The following SEL1L2 variants were observed in gnomAD, a reference collection of about 807,000 sequenced individuals.
SEL1L2 encodes the protein SEL1L2 adaptor subunit of SYVN1 ubiquitin ligase, also known as protein sel-1 homolog 2.
SEL1L2 carries 89 observed loss-of-function variants against 98.8 expected under a neutral mutation model. That is an observed-to-expected ratio of 0.90 (90% confidence interval 0.76 to 1.07). SEL1L2 has a LOEUF of 1.07. Among genes scored for constraint, SEL1L2 ranks in the 50% least tolerant of loss-of-function variants. The probability of loss-of-function intolerance (pLI) is 0.00; values close to 1 mark genes in which losing one functional copy is unlikely to be tolerated. For missense variants in SEL1L2, 788 were observed against 812.0 expected, an observed-to-expected ratio of 0.97 and a Z score of 0.36; for synonymous variants, 262 against 278.5, an observed-to-expected ratio of 0.94 and a Z score of 0.59.
At chr20:13,983,186 CA>C (rs2051950210) in intron 1 of SEL1L2, among the ~76,000 whole-genome samples, 1 of 151,968 alleles carries the variant, frequency 6.6e-6, no homozygotes, top group Admixed American at 6.6e-5. Flanking sequence ...ATCACTATTT[CA>C]CTCTGAGGAT....
intron 3 of SEL1L2, among the ~76,000 whole-genome samples, chr20:13,925,082 T>C (rs1447474495): frequency 6.6e-6 from 1 of 152,076 alleles, no homozygotes; most frequent in Non-Finnish European, 1.5e-5. Flanking sequence ...GAGGATGCAG[T>C]GAGCAGAGAT....
At chr20:13,860,737 T>C (rs1989985558) in intron 17 of SEL1L2, among the ~76,000 whole-genome samples, 2 of 152,168 alleles carry the variant, frequency 1.3e-5, no homozygotes, top group Non-Finnish European at 2.9e-5. Flanking sequence ...CTGGGTGACC[T>C]TGTTTCGTTC....
intron 5 of SEL1L2, among the ~76,000 whole-genome samples, chr20:13,897,853 G>A (rs1192719889): frequency 4.0e-5 from 6 of 150,842 alleles, no homozygotes; most frequent in African/African-American, 9.8e-5. Flanking sequence ...CAACAAGAGC[G>A]AAAACTCCCT....
At chr20:13,991,733 T>G (rs2052540015), upstream of SEL1L2, among the ~76,000 whole-genome samples, 1 of 152,192 alleles carries the variant, frequency 6.6e-6, no homozygotes, top group Non-Finnish European at 1.5e-5. Context: ...CAGCTCACAC[T>G]TGTAATCCCA....
rs1207594766 is a variant in SEL1L2 at position 13,857,202 on chromosome 20, AT to A, written c.1818+2059del. Reference sequence around the variant, plus strand: ...AGTGGGAGGTTAAGAGTAGTCCCTGATTTTTTTTTTTTTTTAATGTAGAGAC... The same window carrying A: ...AGTGGGAGGTTAAGAGTAGTCCCTGATTTTTTTTTTTTTTAATGTAGAGAC... On this transcript the variant is annotated intron_variant, in intron 18 of 19. Coordinates refer to ENST00000284951, the MANE Select transcript of SEL1L2 (RefSeq NM_025229.2). Among the ~76,000 whole-genome samples, 962 of 141,192 alleles carry A rather than the reference AT, an allele frequency of 6.8e-3. 1 individual carries two copies. The highest frequency in any genetic ancestry group is 0.014 in the East Asian group (67 of 4,850). The allele number at this position is 141,192 out of a possible 152,430, so 92.6% of individuals were successfully genotyped here.
chr20:13,940,056 T>C (rs919596820), intron 2 of SEL1L2, among the ~76,000 whole-genome samples: 1 of 152,224 alleles, frequency 6.6e-6, no homozygotes, highest in East Asian at 1.9e-4. Flanking sequence ...ATTGAAGATA[T>C]AGTGACACAT....
At chr20:13,968,024 T>A (rs1233035623) in intron 1 of SEL1L2, among the ~76,000 whole-genome samples, 1 of 152,210 alleles carries the variant, frequency 6.6e-6, no homozygotes, top group East Asian at 1.9e-4. Flanking sequence ...GTTATATAAA[T>A]TAAAATATAG....
rs555712717 is a variant in SEL1L2, at chr20:13,852,794, G to T, written c.1819-2475C>A. ...GAATTCTTCTGCAGTAAAATAGCTG[G>T]TTTATGAAAATTGTACAATTGCCCG... is the stretch of plus-strand genomic sequence containing the variant. On this transcript the variant is annotated intron_variant, in intron 18 of 19. Transcript: ENST00000284951. 6.6e-5 allele frequency among the ~76,000 whole-genome samples: 10 copies of T among 152,270 alleles called. No homozygotes were observed. In the South Asian group the frequency reaches 2.1e-3, roughly 32 times the overall value.
chr20:13,992,599 G>A (rs6079248), upstream of SEL1L2, among the ~76,000 whole-genome samples: 6,598 of 152,224 alleles, frequency 0.043, 213 homozygotes, highest in Non-Finnish European at 0.063. Flanking sequence ...ATGGAGCATA[G>A]TATAAAATAA....
chr20:13,964,224 A>G (rs896294514), intron 1 of SEL1L2, among the ~76,000 whole-genome samples: 3 of 152,014 alleles, frequency 2.0e-5, no homozygotes, highest in Non-Finnish European at 4.4e-5. Context: ...GTCAAAGAAA[A>G]TATGTTCTAT....
In SEL1L2 at chr20:13,885,331, C is replaced by A. The variant is rs200588365; in HGVS notation, c.957+16G>T. On this transcript the variant is annotated intron_variant, in intron 10 of 19. Transcript: ENST00000284951. ...CCTTCCCCACCCCATTTGACTGGATCTTGAGATTGACTTACGTAGTAATCC... is the reference window on the plus strand; with the variant it reads ...CCTTCCCCACCCCATTTGACTGGATATTGAGATTGACTTACGTAGTAATCC... 1 of 1,556,102 alleles carries A rather than the reference C, an allele frequency of 6.4e-7. No individual in the cohort carries two copies. The highest frequency in any genetic ancestry group is 1.1e-5 in the South Asian group (1 of 89,700).
intron 4 of SEL1L2, 66 bp from the exon 5 acceptor site, chr20:13,914,010 C>G: frequency 7.5e-7 from 1 of 1,339,492 alleles, no homozygotes; most frequent in Non-Finnish European, 1.0e-6. Flanking sequence ...TTCTTCAACA[C>G]TATTCATACT....
At chr20:13,930,471 GAAAT>G (rs906846508) in intron 3 of SEL1L2, among the ~76,000 whole-genome samples, 2 of 152,274 alleles carry the variant, frequency 1.3e-5, no homozygotes, top group East Asian at 1.9e-4. Context: ...TACGCCTTTA[GAAAT>G]AAATAGTCTC....
Position 13,886,316 on chromosome 20 carries a change from A to C in SEL1L2, c.872T>G (p.Leu291Trp), listed in dbSNP as rs770484287. 6.2e-6 allele frequency: 10 copies of C among 1,610,588 alleles called. No individual in the cohort carries two copies. Among genetic ancestry groups the C allele is most frequent in the Non-Finnish European group, 8.5e-6 (10 of 1,178,292 alleles). Residue 291 changes from leucine (L) to tryptophan (W), a missense_variant, in exon 9 of 20, where the codon TTG becomes TGG. Transcript: ENST00000284951. ...DWDIYQYYKF[L>W]AERGDVQIQV... ...TATCTGAACATCTCCTCTTTCTGCC[A>C]AAAATTTATAGTATTGGTATATGTC...
intron 3 of SEL1L2, among the ~76,000 whole-genome samples, chr20:13,924,814 A>G (rs6074663): frequency 0.33 from 50,517 of 151,836 alleles, 8,791 homozygotes; most frequent in East Asian, 0.48. Flanking sequence ...TTTATTCTGT[A>G]GACTTTTGCA....
intron 10 of SEL1L2, among the ~76,000 whole-genome samples, chr20:13,879,280 G>C (rs1485065827): frequency 6.6e-6 from 1 of 152,118 alleles, no homozygotes; most frequent in East Asian, 1.9e-4. Context: ...CAAAAGCTAA[G>C]ACTTGCAAAA....
rs545347527 is a variant in SEL1L2 at position 13,900,049 on chromosome 20, T to A, written c.550-11537A>T. Among the ~76,000 whole-genome samples the A allele has an allele frequency of 9.2e-5, 14 of 152,278 alleles. 1 individual carries two copies. The South Asian group carries it at 2.9e-3, about 32-fold the overall frequency. On this transcript the variant is annotated intron_variant, in intron 5 of 19. Transcript: ENST00000284951. ...AAATGATTTACATAATAGAAAAAAA[T>A]TTCTGATGGTTTTATTTTATAGAAT...
chr20:13,855,957 G>A (rs772927598), intron 18 of SEL1L2, among the ~76,000 whole-genome samples: 31 of 152,146 alleles, frequency 2.0e-4, no homozygotes, highest in Non-Finnish European at 4.3e-4. Flanking sequence ...GATTTAAAGG[G>A]AGAACACTAG....
chr20:13,933,933 G>C (rs2049275078), intron 2 of SEL1L2, among the ~76,000 whole-genome samples: 1 of 147,114 alleles, frequency 6.8e-6, no homozygotes, highest in Non-Finnish European at 1.5e-5. Context: ...TAGATGTTTA[G>C]TAAGTACATA....
Sources: gnomAD v4.1 joint callset for allele counts (sites outside exome capture counted in the v4.1 genomes callset) on GRCh38, gnomAD v4.1.1 for gene constraint, MANE v1.5 for transcripts, NCBI Gene and HGNC (gene_info 2026-07-23, HGNC 2026-07-21) for gene names.